The following NAV2 variants were observed in gnomAD, a reference collection of about 807,000 sequenced individuals.
The protein encoded by NAV2 is helicase, APC down-regulated 1.
NAV2 carries 54 observed loss-of-function variants against 223.2 expected under a neutral mutation model. That is an observed-to-expected ratio of 0.24 (90% CI 0.19 to 0.30). NAV2 has a LOEUF of 0.30. NAV2 is among the 10% of genes least tolerant of loss of function. The pLI is 1.00. For missense variants in NAV2, 2,806 were observed against 3,147.5 expected (o/e 0.89, Z 2.60); for synonymous variants, 1,279 against 1,239.3 (o/e 1.03, Z -0.67).
chr11:19,373,370 C>T (rs1848535809), intron 1 of NAV2, among the ~76,000 whole-genome samples: 1 of 152,048 alleles, frequency 6.6e-6, no homozygotes, highest in Non-Finnish European at 1.5e-5. Context: ...TGCCTCTCCC[C>T]TCTCTTCTCT....
chr11:19,389,348 A>G (rs943906659), intron 1 of NAV2, among the ~76,000 whole-genome samples: 1 of 152,164 alleles, frequency 6.6e-6, no homozygotes, highest in Non-Finnish European at 1.5e-5. Flanking sequence ...AAATAAATAC[A>G]TTTACCACTT....
intron 1 of NAV2, among the ~76,000 whole-genome samples, chr11:19,411,063 A>G (rs553354599): frequency 1.6e-4 from 25 of 152,274 alleles, no homozygotes; most frequent in Admixed American, 4.6e-4. Flanking sequence ...TGGCACAGCA[A>G]TTGGCACACA....
At chr11:19,625,716 C>G (rs2047150518) in intron 1 of NAV2, among the ~76,000 whole-genome samples, 1 of 152,064 alleles carries the variant, frequency 6.6e-6, no homozygotes, top group African/African-American at 2.4e-5. Flanking sequence ...ATTTGTTCTT[C>G]TTTTTCTTTT....
chr11:19,381,461 T>C (rs1848834131), intron 1 of NAV2, among the ~76,000 whole-genome samples: 1 of 152,222 alleles, frequency 6.6e-6, no homozygotes. Flanking sequence ...TCTTTCAAAA[T>C]CTGGGTGCCT....
At chr11:20,017,696 T>C (rs1382467852) in intron 11 of NAV2, among the ~76,000 whole-genome samples, 1 of 152,206 alleles carries the variant, frequency 6.6e-6, no homozygotes, top group African/African-American at 2.4e-5. Context: ...TGTTGTTCAT[T>C]TTCTACCCCA....
intron 10 of NAV2, among the ~76,000 whole-genome samples, chr11:19,955,262 C>A (rs2047751787): frequency 1.3e-5 from 2 of 151,982 alleles, no homozygotes; most frequent in Admixed American, 1.3e-4. Context: ...AAAAGCTGTT[C>A]ATGGTGGCAT....
intron 26 of NAV2, among the ~76,000 whole-genome samples, chr11:20,087,703 T>C (rs147579291): frequency 5.5e-4 from 84 of 152,306 alleles, no homozygotes; most frequent in Non-Finnish European, 7.5e-4. Context: ...GACAAGCATG[T>C]ATTGAGCGCC....
chr11:19,541,942 A>C (rs566149734), intron 1 of NAV2, among the ~76,000 whole-genome samples: 2 of 152,306 alleles, frequency 1.3e-5, no homozygotes, highest in South Asian at 4.1e-4. Context: ...GATTTTTAAA[A>C]CTAAGCTAGA....
chr11:19,916,136 G>A (rs1386026541), intron 6 of NAV2, among the ~76,000 whole-genome samples: 2 of 152,190 alleles, frequency 1.3e-5, no homozygotes, highest in African/African-American at 2.4e-5. Flanking sequence ...TTATTAAACT[G>A]TTAATGATTA....
At chr11:19,599,297 G>A (rs1342216512) in intron 1 of NAV2, among the ~76,000 whole-genome samples, 1 of 152,134 alleles carries the variant, frequency 6.6e-6, no homozygotes, top group Non-Finnish European at 1.5e-5. Flanking sequence ...AAATGGTTTG[G>A]CTGGAAAAAC....
chr11:20,115,181 A>G lies in NAV2; in HGVS notation c.7164+386A>G, dbSNP rs886215218. Among the ~76,000 whole-genome samples, 3 of 152,266 alleles carry G rather than the reference A, an allele frequency of 2.0e-5. No homozygotes were observed. The East Asian group carries it at 5.8e-4, about 29-fold the overall frequency. ...AGAGATTGCTAAGGACCAGAAGCCC[A>G]AGGCAAATGATAGGGTAAACAGGGA... On this transcript the variant is annotated intron_variant, in intron 37 of 37. Coordinates refer to ENST00000349880, the MANE Select transcript of NAV2 (RefSeq NM_145117.5).
At chr11:19,653,727 G>T (rs1420630110) in intron 1 of NAV2, among the ~76,000 whole-genome samples, 1 of 152,210 alleles carries the variant, frequency 6.6e-6, no homozygotes, top group Non-Finnish European at 1.5e-5. Flanking sequence ...CACTTGTAAG[G>T]ATGTGAGATA....
chr11:20,039,727 A>G (rs2056737936), intron 12 of NAV2, among the ~76,000 whole-genome samples: 1 of 152,240 alleles, frequency 6.6e-6, no homozygotes, highest in Admixed American at 6.5e-5. Context: ...CTGAGGAGCA[A>G]AGATGCACAC....
At chr11:19,956,424 G>A (rs1233844676) in intron 10 of NAV2, among the ~76,000 whole-genome samples, 1 of 149,426 alleles carries the variant, frequency 6.7e-6, no homozygotes, top group East Asian at 2.0e-4. Flanking sequence ...TATCTCTCCA[G>A]ATGCCAATCA....
intron 1 of NAV2, among the ~76,000 whole-genome samples, chr11:19,431,974 G>A (rs562128775): frequency 5.4e-4 from 82 of 152,260 alleles, no homozygotes; most frequent in African/African-American, 1.7e-3. Flanking sequence ...AAGGCTGGCC[G>A]ATCACCTGAG....
chr11:19,960,147 G>C (rs10833205), intron 10 of NAV2, among the ~76,000 whole-genome samples: 65,196 of 152,100 alleles, frequency 0.43, 14,368 homozygotes, highest in East Asian at 0.71. Flanking sequence ...GGAGGAGTCG[G>C]TTATTTGTTC....
At chr11:19,659,852 A>G (rs901450297) in intron 1 of NAV2, among the ~76,000 whole-genome samples, 12 of 152,284 alleles carry the variant, frequency 7.9e-5, no homozygotes, top group African/African-American at 2.6e-4. Context: ...TGGAGATCAT[A>G]TTAATTTCTA....
chr11:19,618,171 G>A (rs190927121), intron 1 of NAV2, among the ~76,000 whole-genome samples: 1 of 152,186 alleles, frequency 6.6e-6, no homozygotes, highest in African/African-American at 2.4e-5. Context: ...CTAGAATGGT[G>A]CCTCAAACAT....
intron 2 of NAV2, among the ~76,000 whole-genome samples, chr11:19,842,636 G>A (rs992081337): frequency 2.6e-5 from 4 of 152,114 alleles, no homozygotes; most frequent in African/African-American, 7.2e-5. Context: ...GACTGTCATC[G>A]ATGCAGTTGT....
Sources: gnomAD v4.1 joint callset for allele counts (sites outside exome capture counted in the v4.1 genomes callset) on GRCh38, gnomAD v4.1.1 for gene constraint, MANE v1.5 for transcripts, NCBI Gene and HGNC (gene_info 2026-07-23, HGNC 2026-07-21) for gene names.